The following EYS variants were observed in gnomAD, a reference collection of about 807,000 sequenced individuals.
EYS encodes the protein EGF-like photoreceptor maintenance factor, also known as protein eyes shut homolog.
A neutral mutation model predicts 282.1 loss-of-function variants in EYS; 250 were observed. That is an observed-to-expected ratio of 0.89 (90% confidence interval 0.80 to 0.98). The LOEUF (loss-of-function observed/expected upper bound fraction) is 0.98, where lower values mean the gene tolerates loss of function less well. EYS is among the 50% of genes least tolerant of loss of function. EYS has a pLI of 0.00. For missense variants in EYS, 4,016 were observed against 3,709.0 expected, an observed-to-expected ratio of 1.08 and a Z score of -2.15; for synonymous variants, 1,355 against 1,282.9, an observed-to-expected ratio of 1.06 and a Z score of -1.20.
At chr6:64,555,479 A>G (rs531741410) in intron 26 of EYS, among the ~76,000 whole-genome samples, 1 of 151,888 alleles carries the variant, frequency 6.6e-6, no homozygotes, top group Non-Finnish European at 1.5e-5. Flanking sequence ...AAAATTGCTA[A>G]GAGAGATTAT....
At chr6:65,529,502 G>A (rs761264420) in intron 2 of EYS, among the ~76,000 whole-genome samples, 4 of 152,232 alleles carry the variant, frequency 2.6e-5, no homozygotes, top group Non-Finnish European at 2.9e-5. Flanking sequence ...GACACCAGAG[G>A]AAGTTGATTA....
chr6:64,431,121 C>G lies in EYS; in HGVS notation c.5927+5053G>C, dbSNP rs114104464. Reference sequence around the variant, plus strand: ...GAGAACCAACCCATGGGACACAACACAAGGTCAAAGGAATACACATTCAGG... The same window carrying G: ...GAGAACCAACCCATGGGACACAACAGAAGGTCAAAGGAATACACATTCAGG... On this transcript the variant is annotated intron_variant, in intron 28 of 42. Transcript: ENST00000503581. Among the ~76,000 whole-genome samples, 716 of 146,532 alleles carry G rather than the reference C, an allele frequency of 4.9e-3. 3 individuals carry two copies. The highest frequency in any genetic ancestry group is 8.8e-3 in the Non-Finnish European group (577 of 65,210).
intron 35 of EYS, among the ~76,000 whole-genome samples, chr6:63,875,887 G>C (rs981175993): frequency 6.6e-6 from 1 of 151,794 alleles, no homozygotes; most frequent in African/African-American, 2.4e-5. Flanking sequence ...TCTTGCTAGC[G>C]GTCTATCAAT....
At chr6:64,421,323 G>A (rs1275771554) in intron 28 of EYS, among the ~76,000 whole-genome samples, 1 of 152,094 alleles carries the variant, frequency 6.6e-6, no homozygotes, top group African/African-American at 2.4e-5. Flanking sequence ...AACTGTCCCT[G>A]TGATTCAATC....
chr6:64,747,161 C>T (rs1772581770), intron 22 of EYS, among the ~76,000 whole-genome samples: 1 of 152,184 alleles, frequency 6.6e-6, no homozygotes, highest in Non-Finnish European at 1.5e-5. Flanking sequence ...GCAAGTAAAA[C>T]TACTTTGTAA....
At chr6:64,505,110 C>T (rs1777169926) in intron 26 of EYS, among the ~76,000 whole-genome samples, 2 of 152,130 alleles carry the variant, frequency 1.3e-5, no homozygotes, top group African/African-American at 4.8e-5. Context: ...TATGAGGCTG[C>T]AAGAGTCTAA....
intron 22 of EYS, among the ~76,000 whole-genome samples, chr6:64,801,629 C>T (rs1298811026): frequency 6.6e-6 from 1 of 151,840 alleles, no homozygotes; most frequent in Non-Finnish European, 1.5e-5. Context: ...GTTTTTGAAT[C>T]CTTTTTAATG....
intron 22 of EYS, among the ~76,000 whole-genome samples, chr6:64,663,152 A>G (rs1465870463): frequency 6.6e-6 from 1 of 152,184 alleles, no homozygotes; most frequent in Non-Finnish European, 1.5e-5. Flanking sequence ...TCCCAATGTT[A>G]CTAGTTATCT....
At chr6:64,421,837 A>C (rs190946599) in intron 28 of EYS, among the ~76,000 whole-genome samples, 30 of 151,144 alleles carry the variant, frequency 2.0e-4, no homozygotes, top group Middle Eastern at 3.4e-3. Context: ...CGAGAGAGAG[A>C]GAGCGCATTT....
At chr6:65,210,357 G>A (rs1407041956) in intron 12 of EYS, among the ~76,000 whole-genome samples, 1 of 151,900 alleles carries the variant, frequency 6.6e-6, no homozygotes, top group Non-Finnish European at 1.5e-5. Flanking sequence ...TTTCCTTAGG[G>A]GGTTTAAATA....
chr6:65,419,908 T>C (rs932807084), intron 5 of EYS, among the ~76,000 whole-genome samples: 1 of 151,970 alleles, frequency 6.6e-6, no homozygotes, highest in Non-Finnish European at 1.5e-5. Context: ...CACTATATTA[T>C]AATCTATTAA....
At chr6:64,795,042 C>T (rs1774312659) in intron 22 of EYS, among the ~76,000 whole-genome samples, 1 of 152,030 alleles carries the variant, frequency 6.6e-6, no homozygotes, top group African/African-American at 2.4e-5. Context: ...CGAGACTAGC[C>T]TGTCCAACAT....
rs747084936 is a variant in EYS at position 65,490,607 on chromosome 6, A to C, written c.849T>G (p.Asp283Glu). 1.2e-6 allele frequency: 2 copies of C among 1,606,520 alleles called. No individual in the cohort carries two copies. The highest frequency in any genetic ancestry group is 2.7e-5 in the African/African-American group (2 of 74,778). The part of the protein sequence containing the change: ...ITSNSFICEC[D>E]EQFSGPFCEV... ...TGCATTTTTTACCTGAAAATTGCTCATCACATTCACAAATGAAACTATTTG... is the reference window on the plus strand; with the variant it reads ...TGCATTTTTTACCTGAAAATTGCTCCTCACATTCACAAATGAAACTATTTG... The change falls in exon 5 of 43, where the codon GAT (aspartate) becomes GAG (glutamate). Residue 283 changes from aspartate to glutamate, a missense_variant. By Grantham distance (45) the Asp-to-Glu change is conservative. Coordinates refer to ENST00000503581, the MANE Select transcript of EYS (RefSeq NM_001142800.2).
chr6:64,869,098 C>A (rs1766513888), intron 19 of EYS, among the ~76,000 whole-genome samples: 1 of 151,396 alleles, frequency 6.6e-6, no homozygotes, highest in Non-Finnish European at 1.5e-5. Flanking sequence ...TCATACCTTA[C>A]ACTTCATTTT....
chr6:65,320,373 A>G (rs146359303), intron 11 of EYS, among the ~76,000 whole-genome samples: 6,988 of 152,242 alleles, frequency 0.046, 222 homozygotes, highest in South Asian at 0.089. Flanking sequence ...TAAGCTACTA[A>G]GACTAGCAGA....
chr6:65,633,487 T>C (rs547270791), intron 2 of EYS, among the ~76,000 whole-genome samples: 4 of 152,318 alleles, frequency 2.6e-5, no homozygotes, highest in African/African-American at 9.6e-5. Flanking sequence ...TCTGTAGAGG[T>C]AGGCGAAGTA....
At chr6:64,478,634 T>A (rs1776347496) in intron 26 of EYS, among the ~76,000 whole-genome samples, 1 of 151,026 alleles carries the variant, frequency 6.6e-6, no homozygotes, top group Non-Finnish European at 1.5e-5. Flanking sequence ...CTGTGTCAGA[T>A]AATTCAAGTG....
chr6:64,450,291 T>A (rs1421067070), intron 26 of EYS, among the ~76,000 whole-genome samples: 2 of 152,058 alleles, frequency 1.3e-5, no homozygotes, highest in Admixed American at 1.3e-4. Flanking sequence ...AGGGATCAAT[T>A]CAACAAGAAG....
At chr6:65,523,650 T>C (rs1321035800) in intron 2 of EYS, among the ~76,000 whole-genome samples, 2 of 152,286 alleles carry the variant, frequency 1.3e-5, no homozygotes, top group East Asian at 3.9e-4. Flanking sequence ...AATTGTGTTG[T>C]ATACGCTAAA....
Sources: gnomAD v4.1 joint callset for allele counts (sites outside exome capture counted in the v4.1 genomes callset) on GRCh38, gnomAD v4.1.1 for gene constraint, MANE v1.5 for transcripts, NCBI Gene and HGNC (gene_info 2026-07-23, HGNC 2026-07-21) for gene names.